CDK5RAP2: variants seen among roughly 807,000 people sequenced by gnomAD.
CDK5RAP2 encodes the protein CDK5 regulatory subunit-associated protein 2.
A neutral mutation model predicts 232.9 loss-of-function variants in CDK5RAP2; 147 were observed. The observed-to-expected ratio is 0.63, with a 90% CI of 0.55 to 0.72. CDK5RAP2 has a LOEUF of 0.72. CDK5RAP2 is among the 30% of genes least tolerant of loss of function. CDK5RAP2 has a pLI of 0.00. For missense variants in CDK5RAP2, 2,195 were observed against 2,231.5 expected (o/e 0.98, Z 0.33); for synonymous variants, 833 against 833.7 (o/e 1.00, Z 0.01).
chr9:120,498,573 T>C (rs2039426887), intron 12 of CDK5RAP2, among the ~76,000 whole-genome samples: 1 of 152,196 alleles, frequency 6.6e-6, no homozygotes, highest in Non-Finnish European at 1.5e-5. Context: ...TAGTTCATAA[T>C]GTTGCATCAA....
At chr9:120,467,780 G>A in intron 18 of CDK5RAP2, 80 bp downstream of exon 18, 2 of 1,490,256 alleles carry the variant, frequency 1.3e-6, no homozygotes, top group South Asian at 1.1e-5. Context: ...CAAAGTGCTG[G>A]GATTACAGGC....
At chr9:120,542,962 G>A (rs1450915794) in intron 5 of CDK5RAP2, among the ~76,000 whole-genome samples, 1 of 152,196 alleles carries the variant, frequency 6.6e-6, no homozygotes, top group East Asian at 1.9e-4. Context: ...GAGGAGGTGA[G>A]AGGGGAGGAG....
chr9:120,557,095 G>T (rs2042256431), intron 3 of CDK5RAP2, among the ~76,000 whole-genome samples: 1 of 152,208 alleles, frequency 6.6e-6, no homozygotes, highest in Non-Finnish European at 1.5e-5. Context: ...TATAGGTAAA[G>T]AAATTTTTGT....
intron 25 of CDK5RAP2, among the ~76,000 whole-genome samples, chr9:120,431,710 T>C (rs2035295285): frequency 6.6e-6 from 1 of 152,248 alleles, no homozygotes; most frequent in African/African-American, 2.4e-5. Context: ...CCAGGAGCTA[T>C]CTTTGTTCAT....
intron 4 of CDK5RAP2, among the ~76,000 whole-genome samples, chr9:120,547,158 T>A (rs915025985): frequency 2.6e-5 from 4 of 151,982 alleles, no homozygotes; most frequent in African/African-American, 9.7e-5. Flanking sequence ...CCAGCTAATT[T>A]TTTGTATTTT....
At chr9:120,512,547 G>A (rs2040143830) in intron 12 of CDK5RAP2, among the ~76,000 whole-genome samples, 1 of 152,172 alleles carries the variant, frequency 6.6e-6, no homozygotes, top group Non-Finnish European at 1.5e-5. Flanking sequence ...TTCAAGTTGG[G>A]TGTTCTTGAG....
chr9:120,536,904 C>T (rs953175132), intron 6 of CDK5RAP2, among the ~76,000 whole-genome samples: 5 of 151,890 alleles, frequency 3.3e-5, no homozygotes, highest in East Asian at 1.9e-4. Flanking sequence ...ACACCCCCAC[C>T]GCCCTATTTT....
intron 3 of CDK5RAP2, among the ~76,000 whole-genome samples, chr9:120,563,562 C>A (rs753409161): frequency 6.6e-6 from 1 of 152,182 alleles, no homozygotes; most frequent in East Asian, 1.9e-4. Context: ...CCATACCTTA[C>A]CTAATTAATA....
chr9:120,560,762 A>AC (rs779188102), intron 3 of CDK5RAP2, among the ~76,000 whole-genome samples: 1 of 152,104 alleles, frequency 6.6e-6, no homozygotes, highest in Non-Finnish European at 1.5e-5. Context: ...GATTACAGGC[A>AC]CATGCCACCA....
intron 32 of CDK5RAP2, chr9:120,406,164 T>C (rs986295248): frequency 5.9e-5 from 9 of 152,222 alleles, no homozygotes; most frequent in Middle Eastern, 3.2e-3. Context: ...ACTAGAGGTA[T>C]CCAAGTAAAA....
intron 31 of CDK5RAP2, 94 bp downstream of exon 31, chr9:120,408,253 G>C (rs41313853): frequency 6.8e-7 from 1 of 1,464,132 alleles, no homozygotes; most frequent in Non-Finnish European, 9.5e-7. Flanking sequence ...AGAGTGGAGA[G>C]GGCTGAGCTC....
In CDK5RAP2 at chr9:120,402,684, A is replaced by G. The variant is rs2033127715; in HGVS notation, c.5307+122T>C. ...CCTGACCTCTGAGCTCTCTGAGGCCACACTTCCTGGTCCCTCTTCTCAGGG... is the reference window on the plus strand; with the variant it reads ...CCTGACCTCTGAGCTCTCTGAGGCCGCACTTCCTGGTCCCTCTTCTCAGGG... On this transcript the variant is annotated intron_variant, in intron 34 of 37. Transcript: ENST00000349780. 3.5e-6 allele frequency: 4 copies of G among 1,127,204 alleles called. No homozygotes were observed. In the Admixed American group the frequency reaches 5.6e-5, roughly 16 times the overall value. 69.8% of individuals were successfully genotyped at this position (1,127,204 alleles called of 1,614,324 possible). A position where few individuals can be genotyped will look rare whatever the true frequency, so the allele number is the denominator to read the frequency against.
intron 12 of CDK5RAP2, among the ~76,000 whole-genome samples, chr9:120,518,211 G>GTGTGTGTGTGTGAC (rs1554770754): frequency 3.2e-5 from 1 of 31,610 alleles, no homozygotes; most frequent in African/African-American, 1.1e-4. Flanking sequence ...GTGTGTGTGT[G>GTGTGTGTGTGTGAC]AGAGAGAGAG....
intron 35 of CDK5RAP2, among the ~76,000 whole-genome samples, 157 bp downstream of exon 35, chr9:120,400,585 G>A (rs933757926): frequency 8.5e-5 from 13 of 152,206 alleles, no homozygotes; most frequent in Non-Finnish European, 7.3e-5. Flanking sequence ...GATCAAGTAA[G>A]AACACAGTGA....
At chr9:120,474,345 C>A (rs540784153) in intron 15 of CDK5RAP2, among the ~76,000 whole-genome samples, 3 of 152,138 alleles carry the variant, frequency 2.0e-5, no homozygotes, top group Non-Finnish European at 4.4e-5. Context: ...TGCCCCCACC[C>A]GCCAGGGGAC....
chr9:120,440,900 T>C (rs1341020690), intron 23 of CDK5RAP2, among the ~76,000 whole-genome samples: 1 of 152,244 alleles, frequency 6.6e-6, no homozygotes, highest in African/African-American at 2.4e-5. Context: ...GGAGATGCCC[T>C]GACATCCCCT....
At chr9:120,446,515 C>T (rs1463852461) in intron 22 of CDK5RAP2, among the ~76,000 whole-genome samples, 4 of 152,120 alleles carry the variant, frequency 2.6e-5, no homozygotes, top group Admixed American at 6.5e-5. Context: ...TGTGAGACAC[C>T]GCACTCGGCC....
intron 3 of CDK5RAP2, among the ~76,000 whole-genome samples, chr9:120,559,920 G>T (rs1194070058): frequency 6.6e-6 from 1 of 152,200 alleles, no homozygotes; most frequent in African/African-American, 2.4e-5. Context: ...TGCCTAGCCT[G>T]AAGTTCCATC....
Position 120,530,020 on chromosome 9 carries a change from T to A in CDK5RAP2, c.783A>T (p.Gly261=). 2 of 1,614,032 alleles carry A rather than the reference T, an allele frequency of 1.2e-6. No individual in the cohort carries two copies. Among genetic ancestry groups the A allele is most frequent in the Non-Finnish European group, 1.7e-6 (2 of 1,179,928 alleles). Residue 261 remains glycine, a synonymous_variant, in exon 8 of 38, where the codon GGA becomes GGT. Coordinates refer to ENST00000349780, the MANE Select transcript of CDK5RAP2 (RefSeq NM_018249.6). ...TTTCTTCCCTTGGAGCAGCACAAAG[T>A]CCTCGGAGCTCTCCAGATGACACAT... ...DENVSSGELR[G]LCAAPREEKE...
Sources: gnomAD v4.1 joint callset for allele counts (sites outside exome capture counted in the v4.1 genomes callset) on GRCh38, gnomAD v4.1.1 for gene constraint, MANE v1.5 for transcripts, NCBI Gene and HGNC (gene_info 2026-07-23, HGNC 2026-07-21) for gene names.